Variants in PTGR1 observed in about 807,000 individuals in gnomAD.
The protein encoded by PTGR1 is prostaglandin reductase 1.
In PTGR1, 23 loss-of-function variants were observed where a neutral mutation model predicts 37.7. That is an observed-to-expected ratio of 0.61 (90% CI 0.44 to 0.86). PTGR1 has a LOEUF of 0.86. Ranked by LOEUF, PTGR1 falls within the 40% of genes least tolerant of loss-of-function variation. PTGR1 has a pLI of 0.00. For missense variants in PTGR1, 351 were observed against 394.3 expected (o/e 0.89, Z 0.93); for synonymous variants, 134 against 140.0 (o/e 0.96, Z 0.30).
At chr9:111,583,875 C>A (rs565402369) in intron 5 of PTGR1, among the ~76,000 whole-genome samples, 210 of 152,256 alleles carry the variant, frequency 1.4e-3, no homozygotes, top group African/African-American at 4.9e-3. Context: ...GATGGAATAT[C>A]TTTCTCAAAC....
chr9:111,568,261 C>CCTT, intron 9 of PTGR1, among the ~76,000 whole-genome samples: 1 of 152,126 alleles, frequency 6.6e-6, no homozygotes, highest in African/African-American at 2.4e-5. Context: ...TAATTAATAT[C>CCTT]CTGGGGAAGG....
At chr9:111,554,563 A>G (rs937523991) in intron 9 of PTGR1, among the ~76,000 whole-genome samples, 1 of 152,096 alleles carries the variant, frequency 6.6e-6, no homozygotes, top group Non-Finnish European at 1.5e-5. Context: ...TGTATGTTCT[A>G]TGTTTTGTCA....
At position 111,574,719 on chromosome 9, in the gene PTGR1, G is replaced by A. The variant is rs1828979645; in HGVS notation, c.760+15C>T. ...AGCCTTGTGACATATGGGATCGTGT[G>A]CATGTGCTCATTACCTGGGGGAAGT... is the stretch of plus-strand genomic sequence containing the variant. On this transcript the variant is annotated intron_variant, in intron 8 of 9. Coordinates refer to ENST00000407693, the MANE Select transcript of PTGR1 (RefSeq NM_001146108.2). 1 of 1,582,180 alleles carries A rather than the reference G, an allele frequency of 6.3e-7. No individual in the cohort carries two copies.
At chr9:111,576,332 A>G (rs1589305922) in intron 7 of PTGR1, 2 of 1,612,858 alleles carry the variant, frequency 1.2e-6, no homozygotes, top group East Asian at 4.5e-5. Flanking sequence ...ACCTCAAACC[A>G]GTACTCACTA....
intron 9 of PTGR1, among the ~76,000 whole-genome samples, chr9:111,565,096 C>A (rs1427295701): frequency 6.6e-6 from 1 of 152,068 alleles, no homozygotes; most frequent in African/African-American, 2.4e-5. Flanking sequence ...TGCACCCCAG[C>A]CTGGGCAACA....
intron 6 of PTGR1, among the ~76,000 whole-genome samples, chr9:111,580,326 A>G (rs758862396): frequency 6.6e-6 from 1 of 151,996 alleles, no homozygotes; most frequent in Non-Finnish European, 1.5e-5. Context: ...TTTCTTTTCT[A>G]TCCACTATTA....
chr9:111,562,361 C>T (rs571730387), downstream of PTGR1, among the ~76,000 whole-genome samples: 17 of 151,676 alleles, frequency 1.1e-4, no homozygotes, highest in African/African-American at 2.2e-4. Context: ...CTGAAACTTC[C>T]GCCTCCCAGG....
intron 4 of PTGR1, 51 bp from the exon 5 acceptor site, chr9:111,586,216 T>A (rs1250483431): frequency 6.4e-7 from 1 of 1,566,966 alleles, no homozygotes; most frequent in Non-Finnish European, 8.8e-7. Flanking sequence ...TGTCTTCCCT[T>A]TCAAGGGAGT....
downstream of PTGR1, among the ~76,000 whole-genome samples, chr9:111,561,110 T>TATATAGAGAGAGAG (rs1457364862): frequency 8.9e-4 from 17 of 19,184 alleles, 1 homozygote; most frequent in South Asian, 2.2e-3. Context: ...TATATATATA[T>TATATAGAGAGAGAG]AGAGAGAGAG....
chr9:111,590,651 G>T (rs532924398), intron 4 of PTGR1, among the ~76,000 whole-genome samples: 1 of 152,138 alleles, frequency 6.6e-6, no homozygotes, highest in Admixed American at 6.6e-5. Flanking sequence ...GAGCCACTGC[G>T]TCCAGCCTTC....
intron 2 of PTGR1, 56 bp downstream of exon 2, chr9:111,597,261 C>G: frequency 5.2e-6 from 7 of 1,341,340 alleles, no homozygotes; most frequent in Non-Finnish European, 7.4e-6. Flanking sequence ...TGTTATGCAG[C>G]AAAAGCTAAC....
At chr9:111,573,039 G>A (rs1013780255) in intron 8 of PTGR1, among the ~76,000 whole-genome samples, 3 of 152,152 alleles carry the variant, frequency 2.0e-5, no homozygotes, top group African/African-American at 7.2e-5. Context: ...CTCTGTGGCA[G>A]GGCAGAATTC....
At chr9:111,560,722 T>A (rs973575468), downstream of PTGR1, among the ~76,000 whole-genome samples, 15 of 143,374 alleles carry the variant, frequency 1.0e-4, no homozygotes, top group Non-Finnish European at 1.8e-4. Context: ...GGTGGCCGGA[T>A]CACAAGGTCA....
chr9:111,587,525 T>C (rs1350392042), intron 4 of PTGR1, among the ~76,000 whole-genome samples: 1 of 152,144 alleles, frequency 6.6e-6, no homozygotes, highest in Non-Finnish European at 1.5e-5. Context: ...CATCTCGGCA[T>C]ACTGCAACCT....
chr9:111,561,166 AG>A (rs1828306415), downstream of PTGR1, among the ~76,000 whole-genome samples: 1 of 142,642 alleles, frequency 7.0e-6, no homozygotes, highest in Non-Finnish European at 1.5e-5. Flanking sequence ...AGAGAGAGAG[AG>A]AGAGAGAGAG....
At chr9:111,560,605 C>A (rs1828249660), downstream of PTGR1, among the ~76,000 whole-genome samples, 1 of 129,368 alleles carries the variant, frequency 7.7e-6, no homozygotes, top group African/African-American at 3.1e-5. Context: ...CATGCTACTG[C>A]ACGTCAGCCT....
intron 4 of PTGR1, among the ~76,000 whole-genome samples, chr9:111,591,013 C>T (rs1015050240): frequency 1.3e-5 from 2 of 152,014 alleles, no homozygotes; most frequent in Admixed American, 6.6e-5. Flanking sequence ...ATATATAGGC[C>T]GGGCACGGTG....
intron 8 of PTGR1, among the ~76,000 whole-genome samples, chr9:111,572,310 G>T (rs1475943846): frequency 1.3e-5 from 2 of 152,302 alleles, no homozygotes; most frequent in African/African-American, 4.8e-5. Context: ...TTAAATGAAA[G>T]TGGGATGGGC....
rs58142522 is a variant in PTGR1, at chr9:111,592,986, CAAAAAAAAAAAAAAAAAAA to C, written c.153-23_153-5del. 1.1e-4 allele frequency: 108 copies of C among 961,362 alleles called. No homozygotes were observed. The highest frequency in any genetic ancestry group is 8.6e-5 in the Non-Finnish European group (66 of 766,114). The allele number at this position is 961,362 out of a possible 1,614,324, so 59.6% of individuals were successfully genotyped here. ...CTTCAATCTTTTGGCTGCCACTCTGCAAAAAAAAAAAAAAAAAAAAAAAAAAAAAAATAGGTAAATAAAT... is the reference window on the plus strand; with the variant it reads ...CTTCAATCTTTTGGCTGCCACTCTGCAAAAAAAAAAAATAGGTAAATAAAT... On this transcript the variant is annotated splice_polypyrimidine_tract_variant and splice_region_variant and intron_variant, in intron 3 of 9. Coordinates refer to ENST00000407693, the MANE Select transcript of PTGR1 (RefSeq NM_001146108.2).
Sources: gnomAD v4.1 joint callset for allele counts (sites outside exome capture counted in the v4.1 genomes callset) on GRCh38, gnomAD v4.1.1 for gene constraint, MANE v1.5 for transcripts, NCBI Gene and HGNC (gene_info 2026-07-23, HGNC 2026-07-21) for gene names.